ACIN1: variants seen among roughly 807,000 people sequenced by gnomAD.
ACIN1 encodes apoptotic chromatin condensation inducer in the nucleus.
Under a neutral mutation model 146.6 loss-of-function variants are expected in ACIN1, and 16 were observed. That is an observed-to-expected ratio of 0.11 (90% CI 0.07 to 0.17). ACIN1 has a LOEUF of 0.17. Among genes scored for constraint, ACIN1 ranks in the 10% least tolerant of loss-of-function variants. ACIN1 has a pLI of 1.00. For synonymous variants in ACIN1, 569 were observed against 582.7 expected (o/e 0.98, Z 0.34); for missense variants, 1,357 against 1,609.3 (o/e 0.84, Z 2.68).
Position 23,058,951 on chromosome 14 carries a change from G to C in ACIN1, c.*197C>G, listed in dbSNP as rs962117235. On this transcript the variant is annotated 3_prime_UTR_variant, in exon 19 of 19. Transcript: ENST00000605057. ...TAATGGGAAATGAGAGGGAGGGTCG[G>C]GCTAAGTCCCAAGAGATAGGTTAAG... is the stretch of plus-strand genomic sequence containing the variant. The C allele has an allele frequency of 3.4e-6, 2 of 584,572 alleles. No individual in the cohort carries two copies. Among genetic ancestry groups the C allele is most frequent in the African/African-American group, 3.7e-5 (2 of 53,798 alleles). 36.2% of individuals were successfully genotyped at this position (584,572 alleles called of 1,614,324 possible). A position where few individuals can be genotyped will look rare whatever the true frequency, so the allele number is the denominator to read the frequency against.
upstream of ACIN1, chr14:23,095,139 C>T (rs1193039929): frequency 1.5e-5 from 25 of 1,614,126 alleles, no homozygotes; most frequent in Admixed American, 3.3e-5. Flanking sequence ...GGGTCCGTCC[C>T]GACGGCTTCG....
Position 23,059,087 on chromosome 14 carries a change from T to C in ACIN1, c.*61A>G, listed in dbSNP as rs930154794. 6.5e-7 allele frequency: 1 copy of C among 1,528,374 alleles called. No homozygotes were observed. The highest frequency in any genetic ancestry group is 1.2e-5 in the South Asian group (1 of 85,258). The allele number at this position is 1,528,374 out of a possible 1,614,324, so 94.7% of individuals were successfully genotyped here. On this transcript the variant is annotated 3_prime_UTR_variant, in exon 19 of 19. Transcript: ENST00000605057. ...GGGTGGTGGAGACTGTGCCTATCCC[T>C]CTGTGGCCATAACCCCCTGGGGCCG...
intron 6 of ACIN1, 126 bp downstream of exon 6, chr14:23,079,421 G>C: frequency 6.9e-7 from 1 of 1,451,622 alleles, no homozygotes; most frequent in Non-Finnish European, 9.3e-7. Context: ...AAAGTAATCA[G>C]TGAAGGAGAG....
chr14:23,090,368 T>C (rs2048199361), intron 3 of ACIN1, among the ~76,000 whole-genome samples, 154 bp downstream of exon 3: 1 of 152,186 alleles, frequency 6.6e-6, no homozygotes, highest in South Asian at 2.1e-4. Context: ...CAAAAGTAAA[T>C]AGTAAACCAC....
At chr14:23,090,376 C>T in intron 3 of ACIN1, 146 bp downstream of exon 3, 1 of 813,580 alleles carries the variant, frequency 1.2e-6, no homozygotes, top group Middle Eastern at 2.6e-4. Context: ...AATAGTAAAC[C>T]ACTTGGCTTC....
chr14:23,072,937 G>C (rs902590469), intron 8 of ACIN1, among the ~76,000 whole-genome samples: 1 of 152,214 alleles, frequency 6.6e-6, no homozygotes, highest in Non-Finnish European at 1.5e-5. Context: ...TCTGCAAAGT[G>C]GGCATAGTGA....
chr14:23,063,303 T>C lies in ACIN1; in HGVS notation c.2737+133A>G, dbSNP rs1202624051. ...TGGCCCTCAAGTAGCTTACTTAATA[T>C]GTAGGAGAAAGATATGATATACGAA... On this transcript the variant is annotated intron_variant, in intron 13 of 18. Coordinates refer to ENST00000605057, the MANE Select transcript of ACIN1 (RefSeq NM_001386863.1). 3 of 1,264,842 alleles carry C rather than the reference T, an allele frequency of 2.4e-6. No homozygotes were observed. In the African/African-American group the frequency reaches 4.6e-5, roughly 19 times the overall value. The allele number at this position is 1,264,842 out of a possible 1,614,324, so 78.4% of individuals were successfully genotyped here. A position where few individuals can be genotyped will look rare whatever the true frequency, so the allele number is the denominator to read the frequency against.
intron 4 of ACIN1, among the ~76,000 whole-genome samples, chr14:23,084,136 G>A (rs1168595214): frequency 1.3e-5 from 2 of 151,946 alleles, no homozygotes; most frequent in African/African-American, 4.8e-5. Context: ...TAGTAGAGAC[G>A]GGGTTTTGCC....
rs749631036 is a variant in ACIN1 at position 23,064,246 on chromosome 14, G to A, written c.2454C>T (p.Pro818=). 3.1e-6 allele frequency: 5 copies of A among 1,613,980 alleles called. No homozygotes were observed. The highest frequency in any genetic ancestry group is 2.2e-5 in the South Asian group (2 of 91,088). Residue 818 remains proline, a synonymous_variant, in exon 12 of 19, where the codon CCC becomes CCT. Coordinates refer to ENST00000605057, the MANE Select transcript of ACIN1 (RefSeq NM_001386863.1). ...ITTESLKSLI[P]DIKPLAGQEA... The stretch of plus-strand genomic sequence containing the variant: ...CCTGCCCCGCCAGGGGTTTGATGTC[G>A]GGGATGAGGCTCTGGGACACAGATA...
At position 23,069,632 on chromosome 14, in the gene ACIN1, G is replaced by C; in HGVS notation, c.2124-15C>G. 2.8e-6 allele frequency: 3 copies of C among 1,054,398 alleles called. No individual in the cohort carries two copies. The highest frequency in any genetic ancestry group is 1.3e-5 in the South Asian group (1 of 79,644). The allele number at this position is 1,054,398 out of a possible 1,614,324, so 65.3% of individuals were successfully genotyped here. A position where few individuals can be genotyped will look rare whatever the true frequency, so the allele number is the denominator to read the frequency against. The stretch of plus-strand genomic sequence containing the variant: ...CCTTCTCCTCACTGACAGGAGGGGG[G>C]AGTGGTGGTGGGGGGGCGGGCAGAA... On this transcript the variant is annotated splice_polypyrimidine_tract_variant and intron_variant, in intron 8 of 18. Coordinates refer to ENST00000605057, the MANE Select transcript of ACIN1 (RefSeq NM_001386863.1).
chr14:23,090,117 C>A lies in ACIN1; in HGVS notation c.317-16G>T, dbSNP rs752957374. On this transcript the variant is annotated splice_polypyrimidine_tract_variant and intron_variant, in intron 3 of 18. Transcript: ENST00000605057. ...GCTGAAGCTTCTGCAAAGTACAGAT[C>A]GGGTCGGGGCAGGGAGGGAGTGAAG... is the stretch of plus-strand genomic sequence containing the variant. The A allele has an allele frequency of 3.1e-6, 5 of 1,611,138 alleles. No individual in the cohort carries two copies. Among genetic ancestry groups the A allele is most frequent in the Non-Finnish European group, 4.2e-6 (5 of 1,178,216 alleles).
chr14:23,059,799 G>A (rs1207241077), intron 18 of ACIN1, among the ~76,000 whole-genome samples: 1 of 151,606 alleles, frequency 6.6e-6, no homozygotes, highest in African/African-American at 2.4e-5. Flanking sequence ...GACCACAGGC[G>A]CCCGCGACCA....
intron 8 of ACIN1, 27 bp from the exon 9 acceptor site, chr14:23,069,644 G>C (rs781341975): frequency 2.6e-6 from 3 of 1,157,706 alleles, no homozygotes; most frequent in Non-Finnish European, 3.8e-6. Context: ...GTGGTGGTGG[G>C]GGGGCGGGCA....
At chr14:23,059,738 C>T (rs1174947385) in intron 18 of ACIN1, among the ~76,000 whole-genome samples, 1 of 151,618 alleles carries the variant, frequency 6.6e-6, no homozygotes, top group Non-Finnish European at 1.5e-5. Context: ...ACTGCAAGCT[C>T]CACCTCCCGG....
chr14:23,086,074 G>A (rs2048083881), intron 4 of ACIN1, among the ~76,000 whole-genome samples: 1 of 152,188 alleles, frequency 6.6e-6, no homozygotes, highest in South Asian at 2.1e-4. Context: ...GCCAGAGATC[G>A]AAGAAAAGCC....
At chr14:23,089,889 CA>C in intron 4 of ACIN1, 92 bp downstream of exon 4, 2 of 1,374,696 alleles carry the variant, frequency 1.5e-6, no homozygotes, top group East Asian at 5.0e-5. Context: ...CTGGGACTTT[CA>C]TGGAGGCTTA....
chr14:23,091,390 G>C (rs2048222551), intron 2 of ACIN1, among the ~76,000 whole-genome samples: 1 of 151,926 alleles, frequency 6.6e-6, no homozygotes, highest in Admixed American at 6.6e-5. Context: ...CTTGAGCTCA[G>C]GAGTTCAAGA....
At chr14:23,076,248 C>G (rs951172080) in intron 8 of ACIN1, among the ~76,000 whole-genome samples, 1 of 152,266 alleles carries the variant, frequency 6.6e-6, no homozygotes, top group East Asian at 1.9e-4. Flanking sequence ...TTGAACAACC[C>G]ATGTGATAGG....
Position 23,079,923 on chromosome 14 carries a change from A to C in ACIN1, c.1412T>G (p.Leu471Arg). The stretch of plus-strand genomic sequence containing the variant: ...TGCTAATTCCTCAATTTTTAGAGGG[A>C]GGGGCTGAGCAGATCTGTCTGACTC... ...EPESDRSAQP[L>R]PLKIEELALA... The change falls in exon 6 of 19, where the codon CTC becomes CGC. Residue 471 changes from leucine (L) to arginine (R), a missense_variant. Around this residue, in one of 4 missense-constraint regions of ACIN1, gnomAD observed 771 missense variants for 746.6 expected, o/e 1.03. Transcript: ENST00000605057. The C allele has an allele frequency of 6.2e-7, 1 of 1,613,994 alleles. No homozygotes were observed. The highest frequency in any genetic ancestry group is 8.5e-7 in the Non-Finnish European group (1 of 1,179,998).
Sources: allele counts gnomAD v4.1 joint callset (sites outside exome capture counted in the v4.1 genomes callset), GRCh38; gene constraint gnomAD v4.1.1; regional missense constraint gnomAD v4.1.1; transcripts MANE v1.5; gene names NCBI Gene and HGNC (gene_info 2026-07-23, HGNC 2026-07-21).